The following IQCH variants were observed in gnomAD, a reference collection of about 807,000 sequenced individuals.
IQCH encodes IQ domain-containing protein H.
IQCH carries 98 observed loss-of-function variants against 117.0 expected under a neutral mutation model. That is an observed-to-expected ratio of 0.84 (90% CI 0.71 to 0.99). The LOEUF is 0.99. Ranked by LOEUF, IQCH falls within the 50% of genes least tolerant of loss-of-function variation. IQCH has a pLI of 0.00. For synonymous variants in IQCH, 412 were observed against 448.2 expected, an observed-to-expected ratio of 0.92 and a Z score of 1.02; for missense variants, 1,102 against 1,243.8, an observed-to-expected ratio of 0.89 and a Z score of 1.72.
intron 14 of IQCH, among the ~76,000 whole-genome samples, chr15:67,409,514 G>A (rs558800126): frequency 2.1e-4 from 32 of 152,286 alleles, no homozygotes; most frequent in Middle Eastern, 6.8e-3. Context: ...AACGCTTCTC[G>A]AGTCAAATCA....
chr15:67,310,170 G>T (rs1319300362), intron 4 of IQCH, among the ~76,000 whole-genome samples: 1 of 151,914 alleles, frequency 6.6e-6, no homozygotes, highest in Non-Finnish European at 1.5e-5. Context: ...CATTTAATTT[G>T]CATTTGATTT....
chr15:67,266,466 G>C lies in IQCH; in HGVS notation c.269+3250G>C, dbSNP rs971184057. Among the ~76,000 whole-genome samples, 14 of 151,974 alleles carry C rather than the reference G, an allele frequency of 9.2e-5. No homozygotes were observed. In the South Asian group the frequency reaches 1.0e-3, roughly 11 times the overall value. On this transcript the variant is annotated intron_variant, in intron 3 of 20. Coordinates refer to ENST00000335894, the MANE Select transcript of IQCH (RefSeq NM_001031715.3). ...GGTCAGGAGATCAAGACCATCCTGGGTAACACAGTGAAACCCCGTCTCTAT... is the reference window on the plus strand; with the variant it reads ...GGTCAGGAGATCAAGACCATCCTGGCTAACACAGTGAAACCCCGTCTCTAT...
chr15:67,393,705 G>A lies in IQCH; in HGVS notation c.1633-1586G>A, dbSNP rs899739023. Among the ~76,000 whole-genome samples, 2 of 151,774 alleles carry A rather than the reference G, an allele frequency of 1.3e-5. No individual in the cohort carries two copies. Among genetic ancestry groups the A allele is most frequent in the African/African-American group, 4.8e-5 (2 of 41,288 alleles). On this transcript the variant is annotated intron_variant, in intron 12 of 20. Transcript: ENST00000335894. This position sits in a 1 kb window ranked among gnomAD's most constrained non-coding sequence, Gnocchi z 5.5. ...CCTGGCTAATTTTTTTGTAGATAGG[G>A]GGTTTTGCCACGTTGCCCAGGCTGG... is the stretch of plus-strand genomic sequence containing the variant.
intron 6 of IQCH, among the ~76,000 whole-genome samples, chr15:67,347,668 A>T (rs1012447338): frequency 1.3e-5 from 2 of 151,432 alleles, no homozygotes; most frequent in Non-Finnish European, 2.9e-5. Context: ...TTCCCAGATA[A>T]TTTTATGAAG....
rs2081892376 is a variant in IQCH at position 67,426,486 on chromosome 15, C to T, written c.2505+4909C>T. Among the ~76,000 whole-genome samples, 1 of 151,696 alleles carries T rather than the reference C, an allele frequency of 6.6e-6. No homozygotes were observed. The highest frequency in any genetic ancestry group is 2.4e-5 in the African/African-American group (1 of 41,242). ...TTGGGGTACAATTACAATGTATCCA[C>T]ATTGTATGCATGTATCAAAATAGCA... On this transcript the variant is annotated intron_variant, in intron 16 of 20. Coordinates refer to ENST00000335894, the MANE Select transcript of IQCH (RefSeq NM_001031715.3). The surrounding 1 kb of genome is among the most constrained non-coding windows in gnomAD (Gnocchi z 5.1).
intron 8 of IQCH, among the ~76,000 whole-genome samples, chr15:67,362,392 G>A (rs1292751873): frequency 2.6e-5 from 4 of 152,118 alleles, no homozygotes; most frequent in Admixed American, 2.6e-4. Context: ...GAAAGAATGG[G>A]TTTGGGTGAT....
intron 18 of IQCH, among the ~76,000 whole-genome samples, chr15:67,483,126 G>A (rs1276532972): frequency 6.6e-6 from 1 of 152,128 alleles, no homozygotes; most frequent in Non-Finnish European, 1.5e-5. Flanking sequence ...AAGGTAGCTT[G>A]TAACCAACTA....
At chr15:67,368,170 G>C (rs1193880433) in intron 8 of IQCH, among the ~76,000 whole-genome samples, 1 of 152,172 alleles carries the variant, frequency 6.6e-6, no homozygotes, top group African/African-American at 2.4e-5. Context: ...TTGAACCCAG[G>C]TTAGCTGGAC....
rs1311149712 is a variant in IQCH at position 67,481,852 on chromosome 15, T to C, written c.2799+6034T>C. On this transcript the variant is annotated intron_variant, in intron 18 of 20. Coordinates refer to ENST00000335894, the MANE Select transcript of IQCH (RefSeq NM_001031715.3). This position sits in a 1 kb window ranked among gnomAD's most constrained non-coding sequence, Gnocchi z 4.1. ...CATCAAGAGAAATCTCAGTCTGGAT[T>C]AAAAGAGACTGTTGCTGCTTAAGAC... 6.6e-6 allele frequency among the ~76,000 whole-genome samples: 1 copy of C among 152,230 alleles called. No individual in the cohort carries two copies. The highest frequency in any genetic ancestry group is 6.5e-5 in the Admixed American group (1 of 15,286).
At chr15:67,352,471 A>G (rs139138605) in intron 6 of IQCH, among the ~76,000 whole-genome samples, 3 of 151,782 alleles carry the variant, frequency 2.0e-5, no homozygotes, top group South Asian at 2.1e-4. Flanking sequence ...TATTCTTTCA[A>G]TTTCCACTAG....
rs1188074056 is a variant in IQCH at position 67,443,228 on chromosome 15, G to A, written c.2505+21651G>A. On this transcript the variant is annotated intron_variant, in intron 16 of 20. Coordinates refer to ENST00000335894, the MANE Select transcript of IQCH (RefSeq NM_001031715.3). The surrounding 1 kb of genome is among the most constrained non-coding windows in gnomAD (Gnocchi z 5.0). ...AGGATGGTCTCGATCTCCTGAACTC[G>A]TCATCCACCCGCCTCGGCCTCCCAA... Among the ~76,000 whole-genome samples the A allele has an allele frequency of 6.6e-6, 1 of 152,108 alleles. No individual in the cohort carries two copies. The highest frequency in any genetic ancestry group is 1.5e-5 in the Non-Finnish European group (1 of 68,028).
chr15:67,335,262 T>G (rs549625946), intron 4 of IQCH, among the ~76,000 whole-genome samples: 1 of 152,334 alleles, frequency 6.6e-6, no homozygotes, highest in African/African-American at 2.4e-5. Flanking sequence ...TATGTTGTGT[T>G]TTATGTTCGA....
At chr15:67,294,544 C>T (rs1966841965) in intron 4 of IQCH, among the ~76,000 whole-genome samples, 2 of 152,132 alleles carry the variant, frequency 1.3e-5, no homozygotes, top group African/African-American at 2.4e-5. Flanking sequence ...CTGGCATGTT[C>T]CTTTGCCCCT....
chr15:67,442,486 C>T (rs535214998), intron 16 of IQCH, among the ~76,000 whole-genome samples: 3 of 151,842 alleles, frequency 2.0e-5, no homozygotes, highest in Admixed American at 6.6e-5. Flanking sequence ...GCAATACCAC[C>T]TTACTCCTGC....
At chr15:67,361,168 C>T (rs1318516076) in intron 8 of IQCH, among the ~76,000 whole-genome samples, 3 of 152,170 alleles carry the variant, frequency 2.0e-5, no homozygotes, top group Admixed American at 2.0e-4. Flanking sequence ...GGAGTTTGTG[C>T]TCTCTGCCTG....
chr15:67,422,405 C>T lies in IQCH; in HGVS notation c.2505+828C>T, dbSNP rs2081772897. Among the ~76,000 whole-genome samples the T allele has an allele frequency of 1.3e-5, 2 of 152,088 alleles. No homozygotes were observed. Among genetic ancestry groups the T allele is most frequent in the Non-Finnish European group, 2.9e-5 (2 of 68,020 alleles). ...GTCTAAATAATAATATAATCAATAT[C>T]ATGTGCCCCTGCCCAGCTTAAGAAA... On this transcript the variant is annotated intron_variant, in intron 16 of 20. Transcript: ENST00000335894. This position sits in a 1 kb window ranked among gnomAD's most constrained non-coding sequence, Gnocchi z 4.7.
chr15:67,477,550 TAAAG>T (rs2083236606), intron 18 of IQCH, among the ~76,000 whole-genome samples: 1 of 152,150 alleles, frequency 6.6e-6, no homozygotes, highest in Non-Finnish European at 1.5e-5. Flanking sequence ...TTAAAATTGA[TAAAG>T]AGAGAATGAA....
In IQCH at chr15:67,417,462, C is replaced by T. The variant is rs888128299; in HGVS notation, c.2218+411C>T. Among the ~76,000 whole-genome samples, 2 of 152,172 alleles carry T rather than the reference C, an allele frequency of 1.3e-5. No homozygotes were observed. The highest frequency in any genetic ancestry group is 6.5e-5 in the Admixed American group (1 of 15,278). ...TGAAATACAGATATGAAAGTTTCTA[C>T]CACAGAACCTTACACAAAATCATCT... On this transcript the variant is annotated intron_variant, in intron 15 of 20. Coordinates refer to ENST00000335894, the MANE Select transcript of IQCH (RefSeq NM_001031715.3). This position sits in a 1 kb window ranked among gnomAD's most constrained non-coding sequence, Gnocchi z 4.3.
In IQCH at chr15:67,395,169, C is replaced by A; in HGVS notation, c.1633-122C>A. On this transcript the variant is annotated intron_variant, in intron 12 of 20. Coordinates refer to ENST00000335894, the MANE Select transcript of IQCH (RefSeq NM_001031715.3). This position sits in a 1 kb window ranked among gnomAD's most constrained non-coding sequence, Gnocchi z 4.0. Reference sequence around the variant, plus strand: ...TTTATCAATTTAAACTGCTAAACAACAGGATAGGTCATAACCCAGCCTGCT... The same window carrying A: ...TTTATCAATTTAAACTGCTAAACAAAAGGATAGGTCATAACCCAGCCTGCT... The A allele has an allele frequency of 2.8e-6, 3 of 1,070,816 alleles. No homozygotes were observed. The highest frequency in any genetic ancestry group is 4.0e-6 in the Non-Finnish European group (3 of 743,770). The allele number at this position is 1,070,816 out of a possible 1,614,324, so 66.3% of individuals were successfully genotyped here. A position where few individuals can be genotyped will look rare whatever the true frequency, so the allele number is the denominator to read the frequency against.
Sources: allele counts gnomAD v4.1 joint callset (sites outside exome capture counted in the v4.1 genomes callset), GRCh38; gene constraint gnomAD v4.1.1; non-coding constraint Gnocchi (gnomAD v3.1); transcripts MANE v1.5; gene names NCBI Gene and HGNC (gene_info 2026-07-23, HGNC 2026-07-21).